Variants in ELMO1 observed in about 807,000 individuals in gnomAD.
ELMO1 encodes engulfment and cell motility 1, also known as engulfment and cell motility protein 1.
ELMO1 carries 26 observed loss-of-function variants against 98.9 expected under a neutral mutation model. The ratio of observed to expected loss-of-function variants is 0.26; its 90% CI spans 0.19 to 0.36. The LOEUF is 0.36. Ranked by LOEUF, ELMO1 falls within the 10% of genes least tolerant of loss-of-function variation. The pLI is 1.00. For missense variants in ELMO1, 627 were observed against 935.2 expected (o/e 0.67, Z 4.30); for synonymous variants, 346 against 346.0 (o/e 1.00, Z 0.00).
intron 16 of ELMO1, among the ~76,000 whole-genome samples, chr7:36,927,340 C>T (rs1161042594): frequency 5.3e-5 from 8 of 152,158 alleles, no homozygotes; most frequent in East Asian, 1.9e-4. Flanking sequence ...AAACAACTAG[C>T]GAAATCAAGA....
intron 13 of ELMO1, among the ~76,000 whole-genome samples, chr7:37,135,823 T>C (rs1208485420): frequency 6.6e-6 from 1 of 152,202 alleles, no homozygotes; most frequent in Admixed American, 6.5e-5. Context: ...CAAGGTTCTT[T>C]AATATCTCAA....
intron 16 of ELMO1, among the ~76,000 whole-genome samples, chr7:36,983,904 T>C (rs184574540): frequency 6.6e-6 from 1 of 152,252 alleles, no homozygotes; most frequent in East Asian, 1.9e-4. Flanking sequence ...AGGAGGTTCA[T>C]AGCTTTCACA....
chr7:37,245,153 T>C (rs931347533), intron 6 of ELMO1, among the ~76,000 whole-genome samples: 4 of 152,124 alleles, frequency 2.6e-5, no homozygotes, highest in Non-Finnish European at 5.9e-5. Context: ...ACTCATCTCA[T>C]TCTAGGCTCA....
intron 2 of ELMO1, among the ~76,000 whole-genome samples, chr7:37,340,507 G>A (rs1378847729): frequency 1.3e-5 from 2 of 152,196 alleles, no homozygotes; most frequent in African/African-American, 4.8e-5. Flanking sequence ...CGTATCCCTG[G>A]ATTGGATCCT....
intron 2 of ELMO1, among the ~76,000 whole-genome samples, chr7:37,339,672 CA>C (rs1800612724): frequency 6.6e-6 from 1 of 152,076 alleles, no homozygotes. Flanking sequence ...CATCTGACAG[CA>C]ACACTTCCAT....
At chr7:37,066,868 A>G (rs1398642437) in intron 15 of ELMO1, among the ~76,000 whole-genome samples, 1 of 152,166 alleles carries the variant, frequency 6.6e-6, no homozygotes, top group Middle Eastern at 3.2e-3. Flanking sequence ...AAATCCAGAA[A>G]CTGAGGGCAC....
chr7:37,423,008 T>A (rs1440434696), intron 1 of ELMO1, among the ~76,000 whole-genome samples: 2 of 152,230 alleles, frequency 1.3e-5, no homozygotes, highest in Admixed American at 1.3e-4. Flanking sequence ...AAGCATTACA[T>A]AACTTGTTTA....
At chr7:36,910,437 G>C (rs543430082) in intron 16 of ELMO1, among the ~76,000 whole-genome samples, 1 of 152,224 alleles carries the variant, frequency 6.6e-6, no homozygotes, top group Admixed American at 6.5e-5. Context: ...CTGCAGGATG[G>C]GTATAATCTC....
chr7:37,333,237 G>A (rs1386267322), intron 2 of ELMO1, among the ~76,000 whole-genome samples: 2 of 152,276 alleles, frequency 1.3e-5, no homozygotes, highest in Middle Eastern at 3.4e-3. Flanking sequence ...TCTCAACACT[G>A]AAATCCACAT....
chr7:37,278,628 T>C (rs185145007), intron 4 of ELMO1, among the ~76,000 whole-genome samples: 27 of 152,350 alleles, frequency 1.8e-4, no homozygotes, highest in African/African-American at 5.3e-4. Flanking sequence ...CAGCCCACCC[T>C]GTGGATTTAG....
chr7:37,106,809 A>G (rs552647580), intron 14 of ELMO1, among the ~76,000 whole-genome samples: 4 of 152,286 alleles, frequency 2.6e-5, no homozygotes, highest in Non-Finnish European at 5.9e-5. Flanking sequence ...TTTAAAGTTC[A>G]CATTGTAAAT....
At chr7:37,012,903 C>A (rs1793655229) in intron 16 of ELMO1, among the ~76,000 whole-genome samples, 1 of 152,214 alleles carries the variant, frequency 6.6e-6, no homozygotes, top group Non-Finnish European at 1.5e-5. Context: ...TATTCCTGAT[C>A]TCATTTGCTC....
chr7:37,107,016 C>T (rs1017172319), intron 14 of ELMO1, among the ~76,000 whole-genome samples: 16 of 152,162 alleles, frequency 1.1e-4, no homozygotes, highest in African/African-American at 7.2e-5. Flanking sequence ...CACTGCTTCC[C>T]CAAACTATCA....
intron 1 of ELMO1, among the ~76,000 whole-genome samples, chr7:37,359,446 G>A (rs1328395180): frequency 1.3e-5 from 2 of 152,200 alleles, no homozygotes; most frequent in East Asian, 3.9e-4. Flanking sequence ...TTCTTAGGAT[G>A]AGTACTAAAA....
intron 2 of ELMO1, among the ~76,000 whole-genome samples, chr7:37,322,091 C>T (rs1204848925): frequency 1.3e-5 from 2 of 151,712 alleles, no homozygotes; most frequent in Non-Finnish European, 2.9e-5. Flanking sequence ...AACTCCTGAC[C>T]TCATGATCCG....
chr7:37,340,281 C>T (rs908538367), intron 2 of ELMO1, among the ~76,000 whole-genome samples: 4 of 152,180 alleles, frequency 2.6e-5, no homozygotes, highest in African/African-American at 9.6e-5. Context: ...GACATACACA[C>T]TGAGTGTTCA....
intron 1 of ELMO1, among the ~76,000 whole-genome samples, chr7:37,368,382 A>G (rs1164108333): frequency 6.6e-6 from 1 of 152,198 alleles, no homozygotes; most frequent in African/African-American, 2.4e-5. Flanking sequence ...TAATAAAACA[A>G]GAAGATAGTG....
chr7:37,042,225 A>AAG (rs1795557663), intron 15 of ELMO1, among the ~76,000 whole-genome samples: 2 of 152,028 alleles, frequency 1.3e-5, no homozygotes, highest in African/African-American at 4.8e-5. Context: ...AAAAAAAAAA[A>AAG]AAGAAGAGAG....
At chr7:36,971,021 G>A (rs1789898041) in intron 16 of ELMO1, among the ~76,000 whole-genome samples, 1 of 152,200 alleles carries the variant, frequency 6.6e-6, no homozygotes, top group Non-Finnish European at 1.5e-5. Context: ...GCCCACCCTT[G>A]GGAGATGTTC....
Sources: allele counts gnomAD v4.1 joint callset (sites outside exome capture counted in the v4.1 genomes callset), GRCh38; gene constraint gnomAD v4.1.1; transcripts MANE v1.5; gene names NCBI Gene and HGNC (gene_info 2026-07-23, HGNC 2026-07-21).